DPYSL3: variants seen among roughly 807,000 people sequenced by gnomAD.
DPYSL3 encodes the protein dihydropyrimidinase like 3.
DPYSL3 carries 16 observed loss-of-function variants against 66.1 expected under a neutral mutation model. That is an observed-to-expected ratio of 0.24 (90% CI 0.16 to 0.37). The LOEUF is 0.37. DPYSL3 is among the 10% of genes least tolerant of loss of function. The pLI is 1.00. For synonymous variants in DPYSL3, 338 were observed against 345.1 expected (o/e 0.98, Z 0.23); for missense variants, 738 against 916.2 (o/e 0.81, Z 2.51).
intron 1 of DPYSL3, among the ~76,000 whole-genome samples, chr5:147,450,994 T>C (rs1356566857): frequency 6.6e-6 from 1 of 152,236 alleles, no homozygotes; most frequent in East Asian, 1.9e-4. Context: ...CACATGAATA[T>C]CTATGTCTAC....
intron 8 of DPYSL3, among the ~76,000 whole-genome samples, chr5:147,404,505 G>T (rs891755252): frequency 4.6e-5 from 7 of 152,198 alleles, no homozygotes; most frequent in Admixed American, 1.3e-4. Flanking sequence ...TCTACTACCA[G>T]AATGGCCACT....
intron 1 of DPYSL3, among the ~76,000 whole-genome samples, chr5:147,507,934 C>T (rs1446445233): frequency 6.6e-6 from 1 of 152,100 alleles, no homozygotes; most frequent in Admixed American, 6.6e-5. Context: ...CAATTGTTAC[C>T]GACCTTTTCC....
chr5:147,509,455 G>T lies in DPYSL3; in HGVS notation c.381+23C>A, dbSNP rs561146012. On this transcript the variant is annotated intron_variant, in intron 1 of 13. Coordinates refer to ENST00000343218, the MANE Select transcript of DPYSL3 (RefSeq NM_001197294.2). The surrounding 1 kb of genome is among the most constrained non-coding windows in gnomAD (Gnocchi z 5.3). ...GGAGAAAGGAACGAAGGCAAGGAGGGAAGTGACCCGGGGCCCCCTTACCTT... is the reference window on the plus strand; with the variant it reads ...GGAGAAAGGAACGAAGGCAAGGAGGTAAGTGACCCGGGGCCCCCTTACCTT... 401 of 1,484,968 alleles carry T rather than the reference G, an allele frequency of 2.7e-4. No individual in the cohort carries two copies. Among genetic ancestry groups the T allele is most frequent in the Admixed American group, 6.7e-4 (30 of 45,018 alleles). 92.0% of individuals were successfully genotyped at this position (1,484,968 alleles called of 1,614,324 possible).
At chr5:147,470,156 T>C (rs1355047242) in intron 1 of DPYSL3, among the ~76,000 whole-genome samples, 1 of 152,096 alleles carries the variant, frequency 6.6e-6, no homozygotes, top group Non-Finnish European at 1.5e-5. Flanking sequence ...TCAGCTGAGG[T>C]GTCCATTGAG....
intron 1 of DPYSL3, among the ~76,000 whole-genome samples, chr5:147,477,447 A>G (rs952482193): frequency 6.6e-6 from 1 of 152,162 alleles, no homozygotes; most frequent in Non-Finnish European, 1.5e-5. Flanking sequence ...AAGAGCGGCA[A>G]TATTCACAGA....
intron 4 of DPYSL3, 65 bp from the exon 5 acceptor site, chr5:147,413,722 T>C (rs1396226147): frequency 2.9e-6 from 4 of 1,362,470 alleles, no homozygotes; most frequent in Non-Finnish European, 4.1e-6. Flanking sequence ...TCCTCCATCC[T>C]TTGCTCCCAC....
intron 1 of DPYSL3, chr5:147,453,490 C>G: frequency 2.7e-6 from 4 of 1,502,198 alleles, no homozygotes; most frequent in Non-Finnish European, 3.6e-6. Flanking sequence ...CGACCCCGCC[C>G]GCAGCGCAGC....
At chr5:147,498,913 C>T (rs984205613) in intron 1 of DPYSL3, among the ~76,000 whole-genome samples, 16 of 152,230 alleles carry the variant, frequency 1.1e-4, no homozygotes, top group African/African-American at 3.6e-4. Flanking sequence ...TGTGCAGAAG[C>T]TCCTTAGTTT....
At chr5:147,450,335 G>A (rs1379396544) in intron 1 of DPYSL3, among the ~76,000 whole-genome samples, 8 of 152,078 alleles carry the variant, frequency 5.3e-5, no homozygotes, top group Non-Finnish European at 1.2e-4. Context: ...GCTATTATTA[G>A]GAACAATTTT....
Position 147,405,732 on chromosome 5 carries a change from T to C in DPYSL3, c.1033-2A>G. 1 of 1,608,404 alleles carries C rather than the reference T, an allele frequency of 6.2e-7. No individual in the cohort carries two copies. Among genetic ancestry groups the C allele is most frequent in the Non-Finnish European group, 8.5e-7 (1 of 1,178,080 alleles). On this transcript the variant is annotated splice_acceptor_variant, in intron 7 of 13. Transcript: ENST00000343218. LOFTEE classifies it high-confidence loss of function. ...ACGGAACACAGCCTCAGCTTCCAGC[T>C]GCAAGAAAAAGTCTCCAGGAGTCAA...
At chr5:147,421,611 A>G (rs1752079571) in intron 2 of DPYSL3, among the ~76,000 whole-genome samples, 1 of 152,206 alleles carries the variant, frequency 6.6e-6, no homozygotes, top group South Asian at 2.1e-4. Context: ...TTCAAACTAC[A>G]CTATAATTTC....
At chr5:147,507,342 A>T (rs1163570397) in intron 1 of DPYSL3, among the ~76,000 whole-genome samples, 2 of 146,162 alleles carry the variant, frequency 1.4e-5, no homozygotes, top group South Asian at 2.2e-4. Flanking sequence ...TTTGGGCTTA[A>T]TTTTTTTTTT....
chr5:147,457,140 G>A (rs1419893689), intron 1 of DPYSL3, among the ~76,000 whole-genome samples: 1 of 152,100 alleles, frequency 6.6e-6, no homozygotes, highest in Admixed American at 6.6e-5. Flanking sequence ...TGAATAATAA[G>A]TCCCAAATAT....
At chr5:147,453,733 C>T in intron 1 of DPYSL3, 1 of 1,314,642 alleles carries the variant, frequency 7.6e-7, no homozygotes, top group Non-Finnish European at 9.7e-7. Context: ...GCCTCCGCCC[C>T]CCTCCCGGGC....
At chr5:147,407,838 T>C (rs1395347345) in intron 7 of DPYSL3, among the ~76,000 whole-genome samples, 2 of 152,190 alleles carry the variant, frequency 1.3e-5, no homozygotes, top group East Asian at 3.8e-4. Context: ...GTGCTGATAA[T>C]CTGTTTCCTT....
At chr5:147,430,290 G>GT (rs1752284784) in intron 1 of DPYSL3, among the ~76,000 whole-genome samples, 1 of 152,046 alleles carries the variant, frequency 6.6e-6, no homozygotes. Context: ...GAGGTCAGGA[G>GT]TTCGAGAGCA....
At chr5:147,463,233 C>A (rs1276302959) in intron 1 of DPYSL3, among the ~76,000 whole-genome samples, 1 of 152,126 alleles carries the variant, frequency 6.6e-6, no homozygotes, top group Non-Finnish European at 1.5e-5. Flanking sequence ...TACAGGTAGG[C>A]CATCTTGGTG....
chr5:147,476,766 G>A (rs1311504896), intron 1 of DPYSL3, among the ~76,000 whole-genome samples: 1 of 152,154 alleles, frequency 6.6e-6, no homozygotes, highest in Non-Finnish European at 1.5e-5. Flanking sequence ...AGACCCTCAG[G>A]TAAGTTTGAA....
At chr5:147,449,626 T>C (rs938992761) in intron 1 of DPYSL3, among the ~76,000 whole-genome samples, 24 of 152,216 alleles carry the variant, frequency 1.6e-4, no homozygotes, top group African/African-American at 4.6e-4. Context: ...CTAGCTTTGA[T>C]TGCTAGCTTT....
Sources: gnomAD v4.1 joint callset for allele counts (sites outside exome capture counted in the v4.1 genomes callset) on GRCh38, gnomAD v4.1.1 for gene constraint, Gnocchi (gnomAD v3.1) non-coding constraint, MANE v1.5 for transcripts, NCBI Gene and HGNC (gene_info 2026-07-23, HGNC 2026-07-21) for gene names.